ABTB2: variants seen among roughly 807,000 people sequenced by gnomAD.
ABTB2 encodes the protein ankyrin repeat and BTB domain containing 2, also known as ankyrin repeat and BTB/POZ domain-containing protein 2.
In ABTB2, 56 loss-of-function variants were observed where a neutral mutation model predicts 104.1. That is an observed-to-expected ratio of 0.54 (90% CI 0.43 to 0.67). ABTB2 has a LOEUF of 0.67. Among genes scored for constraint, ABTB2 ranks in the 30% least tolerant of loss-of-function variants. The pLI, the probability that ABTB2 is intolerant of heterozygous loss-of-function variation, is 0.00. For synonymous variants in ABTB2, 606 were observed against 608.2 expected, an observed-to-expected ratio of 1.00 and a Z score of 0.05; for missense variants, 1,279 against 1,407.7, an observed-to-expected ratio of 0.91 and a Z score of 1.46.
intron 4 of ABTB2, 124 bp from the exon 5 acceptor site, chr11:34,171,195 G>A (rs1852869848): frequency 2.0e-6 from 2 of 1,009,564 alleles, no homozygotes; most frequent in Non-Finnish European, 2.9e-6. Context: ...GCACCAGGGA[G>A]TTATGATCAG....
chr11:34,246,123 T>TCTCTCTTC (rs1194086235), intron 1 of ABTB2, among the ~76,000 whole-genome samples: 1 of 152,220 alleles, frequency 6.6e-6, no homozygotes, highest in African/African-American at 2.4e-5. Flanking sequence ...TCATTCCTTT[T>TCTCTCTTC]CTCTCTTCCT....
In ABTB2 at chr11:34,220,164, C is replaced by T. The variant is rs116680411; in HGVS notation, c.884-15474G>A. On this transcript the variant is annotated intron_variant, in intron 1 of 16. Coordinates refer to ENST00000435224, the MANE Select transcript of ABTB2 (RefSeq NM_145804.3). ...TATATCCTGCCAGAGGTCACTATGT[C>T]ATTCCCAGCATCTTGGAGGACACTA... Among the ~76,000 whole-genome samples the T allele has an allele frequency of 6.2e-3, 947 of 152,324 alleles. 12 individuals carry two copies. Among genetic ancestry groups the T allele is most frequent in the African/African-American group, 0.021 (873 of 41,558 alleles).
In ABTB2 at chr11:34,249,922, G is replaced by A. The variant is rs113156652; in HGVS notation, c.884-45232C>T. 2.4e-3 allele frequency among the ~76,000 whole-genome samples: 372 copies of A among 152,352 alleles called. 2 individuals carry two copies. Among genetic ancestry groups the A allele is most frequent in the African/African-American group, 8.4e-3 (351 of 41,576 alleles). On this transcript the variant is annotated intron_variant, in intron 1 of 16. Coordinates refer to ENST00000435224, the MANE Select transcript of ABTB2 (RefSeq NM_145804.3). Reference sequence around the variant, plus strand: ...CCTGGCTGTGAAATGAGACCTTGCTGGTATAGAGTGGTCTACATGGCTCTG... The same window carrying A: ...CCTGGCTGTGAAATGAGACCTTGCTAGTATAGAGTGGTCTACATGGCTCTG...
At chr11:34,288,211 CT>C (rs1854527728) in intron 1 of ABTB2, among the ~76,000 whole-genome samples, 1 of 152,102 alleles carries the variant, frequency 6.6e-6, no homozygotes, top group Non-Finnish European at 1.5e-5. Context: ...AAGTTGAAAG[CT>C]TTTTTACAGT....
At chr11:34,335,300 C>A in intron 1 of ABTB2, 2 of 1,234,688 alleles carry the variant, frequency 1.6e-6, no homozygotes, top group South Asian at 1.2e-5. Flanking sequence ...TGTATATGGT[C>A]CAAAAAAATG....
At chr11:34,315,319 C>A (rs1038872412) in intron 1 of ABTB2, among the ~76,000 whole-genome samples, 13 of 152,186 alleles carry the variant, frequency 8.5e-5, no homozygotes, top group African/African-American at 2.7e-4. Context: ...TTCAGGCTGA[C>A]TGGTTTCAGC....
At chr11:34,237,874 G>A (rs1853865440) in intron 1 of ABTB2, among the ~76,000 whole-genome samples, 1 of 152,028 alleles carries the variant, frequency 6.6e-6, no homozygotes, top group Non-Finnish European at 1.5e-5. Context: ...CTCCAGCCTG[G>A]GCAACAAGAG....
intron 1 of ABTB2, among the ~76,000 whole-genome samples, chr11:34,217,849 A>C (rs1287655349): frequency 6.6e-6 from 1 of 152,244 alleles, no homozygotes; most frequent in African/African-American, 2.4e-5. Context: ...GTAACTAAGG[A>C]ACTGCCAAAT....
intron 3 of ABTB2, among the ~76,000 whole-genome samples, chr11:34,182,424 C>T (rs559491592): frequency 4.3e-4 from 65 of 149,692 alleles, no homozygotes; most frequent in South Asian, 6.3e-4. Context: ...GCCTCTGAAC[C>T]GCAGCTGAGC....
At chr11:34,227,729 TTTC>T (rs1052534673) in intron 1 of ABTB2, among the ~76,000 whole-genome samples, 22 of 152,174 alleles carry the variant, frequency 1.4e-4, no homozygotes, top group Non-Finnish European at 2.9e-4. Context: ...TAACTTTTTT[TTTC>T]TTCTTTTTTT....
chr11:34,248,857 G>C (rs967302964), intron 1 of ABTB2, among the ~76,000 whole-genome samples: 2 of 152,220 alleles, frequency 1.3e-5, no homozygotes, highest in African/African-American at 2.4e-5. Flanking sequence ...ACAGCCGGGC[G>C]CGGTGGCTCA....
chr11:34,346,354 C>T (rs1214599837), intron 1 of ABTB2, among the ~76,000 whole-genome samples: 3 of 152,068 alleles, frequency 2.0e-5, no homozygotes, highest in Non-Finnish European at 2.9e-5. Context: ...TATGAAGTCA[C>T]CTCGGAGCTG....
intron 1 of ABTB2, among the ~76,000 whole-genome samples, chr11:34,319,145 C>T (rs1854972474): frequency 6.6e-6 from 1 of 152,348 alleles, no homozygotes; most frequent in South Asian, 2.1e-4. Flanking sequence ...GACTCTACAA[C>T]AGATGACCCA....
intron 1 of ABTB2, among the ~76,000 whole-genome samples, chr11:34,304,657 G>A (rs1229925418): frequency 6.6e-6 from 1 of 151,584 alleles, no homozygotes. Flanking sequence ...AACCACATGA[G>A]AAAAGAAAGA....
intron 1 of ABTB2, among the ~76,000 whole-genome samples, chr11:34,343,158 C>G (rs985755592): frequency 2.6e-5 from 4 of 152,018 alleles, no homozygotes; most frequent in Non-Finnish European, 5.9e-5. Flanking sequence ...CATTTTAGAT[C>G]TAGCCATGCC....
At chr11:34,332,124 G>A (rs753596046) in intron 1 of ABTB2, among the ~76,000 whole-genome samples, 4 of 152,070 alleles carry the variant, frequency 2.6e-5, no homozygotes, top group Non-Finnish European at 5.9e-5. Context: ...TCTTGCTTTC[G>A]GACCCAGAGC....
At chr11:34,254,205 C>T (rs1048402228) in intron 1 of ABTB2, among the ~76,000 whole-genome samples, 9 of 152,140 alleles carry the variant, frequency 5.9e-5, no homozygotes, top group African/African-American at 2.2e-4. Context: ...TGACTGTAAA[C>T]TCATAAACTC....
At chr11:34,256,616 G>T (rs906222665) in intron 1 of ABTB2, among the ~76,000 whole-genome samples, 1 of 152,156 alleles carries the variant, frequency 6.6e-6, no homozygotes, top group African/African-American at 2.4e-5. Flanking sequence ...ATGAGACATG[G>T]TGTCGGCAAC....
chr11:34,296,633 G>C (rs1251654213), intron 1 of ABTB2, among the ~76,000 whole-genome samples: 1 of 152,158 alleles, frequency 6.6e-6, no homozygotes. Context: ...AAGGCAGTGA[G>C]GCAGAGGCCA....
Sources: allele counts gnomAD v4.1 joint callset (sites outside exome capture counted in the v4.1 genomes callset), GRCh38; gene constraint gnomAD v4.1.1; transcripts MANE v1.5; gene names NCBI Gene and HGNC (gene_info 2026-07-23, HGNC 2026-07-21).